The following ERBB4 variants were observed in gnomAD, a reference collection of about 807,000 sequenced individuals.
ERBB4 encodes the protein receptor tyrosine-protein kinase erbB-4.
A neutral mutation model predicts 158.0 loss-of-function variants in ERBB4; 42 were observed. That is an observed-to-expected ratio of 0.27 (90% CI 0.21 to 0.34). ERBB4 has a LOEUF of 0.34. ERBB4 is among the 10% of genes least tolerant of loss of function. The pLI, the probability that ERBB4 is intolerant of heterozygous loss-of-function variation, is 1.00. For missense variants in ERBB4, 1,333 were observed against 1,624.1 expected, an observed-to-expected ratio of 0.82 and a Z score of 3.08; for synonymous variants, 583 against 558.7, an observed-to-expected ratio of 1.04 and a Z score of -0.61.
intron 17 of ERBB4, among the ~76,000 whole-genome samples, chr2:211,628,456 G>A (rs889062006): frequency 6.6e-6 from 1 of 152,136 alleles, no homozygotes; most frequent in African/African-American, 2.4e-5. Flanking sequence ...TGCTGAGAAT[G>A]ATGGTTTCCA....
chr2:211,826,405 G>A (rs1181636842), intron 3 of ERBB4, among the ~76,000 whole-genome samples: 1 of 151,768 alleles, frequency 6.6e-6, no homozygotes, highest in East Asian at 1.9e-4. Flanking sequence ...TAAGTAATAA[G>A]TTATGAATCA....
chr2:211,511,296 G>T (rs1034338765), intron 20 of ERBB4, among the ~76,000 whole-genome samples: 1 of 151,866 alleles, frequency 6.6e-6, no homozygotes, highest in Admixed American at 6.6e-5. Context: ...AATATGTTAA[G>T]CTAATTATAG....
chr2:212,520,572 G>A (rs896668046), intron 1 of ERBB4, among the ~76,000 whole-genome samples: 1 of 151,878 alleles, frequency 6.6e-6, no homozygotes, highest in African/African-American at 2.4e-5. Context: ...GACATGTGGT[G>A]GAGCTTGTAT....
At chr2:212,483,843 T>C (rs2106170868) in intron 1 of ERBB4, among the ~76,000 whole-genome samples, 1 of 152,226 alleles carries the variant, frequency 6.6e-6, no homozygotes, top group African/African-American at 2.4e-5. Flanking sequence ...TTCACGCCAT[T>C]CTCCTGCCTC....
intron 19 of ERBB4, among the ~76,000 whole-genome samples, chr2:211,594,451 A>AGC (rs2068570522): frequency 6.6e-6 from 1 of 150,584 alleles, no homozygotes; most frequent in African/African-American, 2.5e-5. Context: ...CAAAAATAAC[A>AGC]AATAAAAAAA....
chr2:211,991,480 T>G (rs1208101905), intron 2 of ERBB4, among the ~76,000 whole-genome samples: 2 of 151,938 alleles, frequency 1.3e-5, no homozygotes, highest in Non-Finnish European at 2.9e-5. Context: ...ATAATAGGAG[T>G]AGCTTTCATA....
intron 20 of ERBB4, among the ~76,000 whole-genome samples, chr2:211,466,992 G>A (rs1032243187): frequency 6.6e-6 from 1 of 152,032 alleles, no homozygotes; most frequent in African/African-American, 2.4e-5. Context: ...GATTTTAAAG[G>A]TGTAATGCAT....
At chr2:212,486,559 G>T (rs557881954) in intron 1 of ERBB4, among the ~76,000 whole-genome samples, 1 of 152,254 alleles carries the variant, frequency 6.6e-6, no homozygotes, top group South Asian at 2.1e-4. Context: ...CCTCTAGGTA[G>T]TACCTTTTTT....
intron 1 of ERBB4, among the ~76,000 whole-genome samples, chr2:212,205,194 T>A (rs1256127113): frequency 1.3e-5 from 2 of 150,656 alleles, no homozygotes; most frequent in African/African-American, 4.9e-5. Flanking sequence ...AGAGTCCTGC[T>A]TTGCCACTCA....
At chr2:212,130,620 G>A (rs1030945630) in intron 1 of ERBB4, among the ~76,000 whole-genome samples, 2 of 151,952 alleles carry the variant, frequency 1.3e-5, no homozygotes, top group Admixed American at 1.3e-4. Context: ...TGCTTACAAA[G>A]AAAAGATGAT....
At chr2:211,389,348 T>C (rs982371499) in intron 25 of ERBB4, among the ~76,000 whole-genome samples, 10 of 152,178 alleles carry the variant, frequency 6.6e-5, no homozygotes, top group Admixed American at 2.0e-4. Flanking sequence ...AGATAAATAT[T>C]ATTCCAGGTC....
intron 19 of ERBB4, among the ~76,000 whole-genome samples, chr2:211,592,925 C>A (rs528900670): frequency 6.6e-6 from 1 of 151,128 alleles, no homozygotes; most frequent in Non-Finnish European, 1.5e-5. Flanking sequence ...GCAGGAGAAT[C>A]GCTTGAACCG....
chr2:212,122,914 G>A (rs1202867748), intron 2 of ERBB4, among the ~76,000 whole-genome samples: 1 of 152,042 alleles, frequency 6.6e-6, no homozygotes, highest in Non-Finnish European at 1.5e-5. Context: ...GAAAAACAAA[G>A]ATCTTTAGAT....
At chr2:212,216,785 A>G (rs1438423138) in intron 1 of ERBB4, among the ~76,000 whole-genome samples, 1 of 151,308 alleles carries the variant, frequency 6.6e-6, no homozygotes, top group Non-Finnish European at 1.5e-5. Flanking sequence ...GGGCTCACTC[A>G]GATATGGCCC....
At chr2:211,875,024 G>GCAAAA (rs2078455915) in intron 3 of ERBB4, among the ~76,000 whole-genome samples, 1 of 5,602 alleles carries the variant, frequency 1.8e-4, no homozygotes, top group Non-Finnish European at 3.4e-4. Flanking sequence ...AAATAGAAAT[G>GCAAAA]CAAAAAAAAA....
chr2:212,021,177 T>C (rs2076640945), intron 2 of ERBB4, among the ~76,000 whole-genome samples: 2 of 152,166 alleles, frequency 1.3e-5, no homozygotes. Flanking sequence ...GATTTTGATC[T>C]AGAAATACGA....
intron 20 of ERBB4, among the ~76,000 whole-genome samples, chr2:211,487,552 T>C (rs1252139280): frequency 6.6e-6 from 1 of 152,030 alleles, no homozygotes; most frequent in Non-Finnish European, 1.5e-5. Flanking sequence ...AAAACAATTA[T>C]TTTCTATTTT....
chr2:211,834,500 G>T (rs758235224), intron 3 of ERBB4, among the ~76,000 whole-genome samples: 80 of 151,980 alleles, frequency 5.3e-4, no homozygotes, highest in Admixed American at 1.1e-3. Context: ...AAAAAAGAAG[G>T]GGGGTAGGGG....
Position 211,653,484 on chromosome 2 carries a change from C to T in ERBB4, c.1946+4270G>A, listed in dbSNP as rs866986652. Among the ~76,000 whole-genome samples, 52 of 148,334 alleles carry T rather than the reference C, an allele frequency of 3.5e-4. No individual in the cohort carries two copies. In the South Asian group the frequency reaches 9.0e-3, roughly 26 times the overall value. On this transcript the variant is annotated intron_variant, in intron 16 of 27. Coordinates refer to ENST00000342788, the MANE Select transcript of ERBB4 (RefSeq NM_005235.3). ...CCCCCGCCCCCCGCACCCGCCCCCCCCCACGCCCGCCCCGCTGGTTTGGGA... is the reference window on the plus strand; with the variant it reads ...CCCCCGCCCCCCGCACCCGCCCCCCTCCACGCCCGCCCCGCTGGTTTGGGA...
Sources: gnomAD v4.1 joint callset for allele counts (sites outside exome capture counted in the v4.1 genomes callset) on GRCh38, gnomAD v4.1.1 for gene constraint, MANE v1.5 for transcripts, NCBI Gene and HGNC (gene_info 2026-07-23, HGNC 2026-07-21) for gene names.